Variants in SNX29 observed in about 807,000 individuals in gnomAD.
SNX29 encodes sorting nexin 29.
Under a neutral mutation model 102.1 loss-of-function variants are expected in SNX29, and 78 were observed. That is an observed-to-expected ratio of 0.76 (90% confidence interval 0.64 to 0.92). SNX29 has a LOEUF of 0.92. Ranked by LOEUF, SNX29 falls within the 40% of genes least tolerant of loss-of-function variation. SNX29 has a pLI of 0.00. For synonymous variants in SNX29, 580 were observed against 414.5 expected (o/e 1.40, Z -4.85); for missense variants, 1,280 against 1,061.7 (o/e 1.21, Z -2.86).
At chr16:12,319,586 A>G (rs1308263558) in intron 15 of SNX29, among the ~76,000 whole-genome samples, 1 of 152,172 alleles carries the variant, frequency 6.6e-6, no homozygotes, top group Non-Finnish European at 1.5e-5. Flanking sequence ...GGTGAGCCAG[A>G]CTGTTGATCT....
At chr16:11,986,215 T>A (rs895117721) in intron 1 of SNX29, among the ~76,000 whole-genome samples, 3 of 151,890 alleles carry the variant, frequency 2.0e-5, no homozygotes, top group African/African-American at 7.3e-5. Flanking sequence ...GCCCTGACTT[T>A]TTGCTGTCCG....
chr16:12,129,673 G>T lies in SNX29; in HGVS notation c.1510G>T (p.Ala504Ser), dbSNP rs188630489. Residue 504 changes from alanine (A) to serine (S), a missense_variant, in exon 13 of 21, where the codon GCG (alanine) becomes TCG (serine). By Grantham distance (99) the Ala-to-Ser change is moderately conservative. Coordinates refer to ENST00000566228, the MANE Select transcript of SNX29 (RefSeq NM_032167.5). ...LLDGEMEHSA[A>S]LRQEVDTLKR... ...CGACGGTGAGATGGAGCACTCAGCC[G>T]CGCTCCGGCAAGAGGTGGACACCTT... The T allele has an allele frequency of 1.2e-6, 2 of 1,611,108 alleles. No homozygotes were observed. The highest frequency in any genetic ancestry group is 2.2e-5 in the East Asian group (1 of 44,852).
In SNX29 at chr16:12,257,501, ATC is replaced by A. The variant is rs111505982; in HGVS notation, c.1679-20414_1679-20413del. Among the ~76,000 whole-genome samples, 32 of 149,890 alleles carry A rather than the reference ATC, an allele frequency of 2.1e-4. 1 individual carries two copies. The highest frequency in any genetic ancestry group is 4.4e-4 in the African/African-American group (18 of 40,900). ...GGGGGCCATTCTGCCTACCACTAGCATCTCTCTCTCTCTCTCTCTTTAAGAGA... is the reference window on the plus strand; with the variant it reads ...GGGGGCCATTCTGCCTACCACTAGCATCTCTCTCTCTCTCTCTTTAAGAGA... On this transcript the variant is annotated intron_variant, in intron 14 of 20. Coordinates refer to ENST00000566228, the MANE Select transcript of SNX29 (RefSeq NM_032167.5).
chr16:12,541,035 C>G (rs575696063), intron 20 of SNX29, among the ~76,000 whole-genome samples: 59 of 152,300 alleles, frequency 3.9e-4, no homozygotes, highest in Non-Finnish European at 5.0e-4. Flanking sequence ...CTGGTCATCT[C>G]TGTAGTCTGG....
chr16:12,267,651 A>G (rs1230691547), intron 14 of SNX29, among the ~76,000 whole-genome samples: 2 of 152,212 alleles, frequency 1.3e-5, no homozygotes, highest in Non-Finnish European at 2.9e-5. Flanking sequence ...CTGTCCGGAA[A>G]GAGCAGCGCC....
At chr16:12,502,592 G>C (rs1162558082) in intron 19 of SNX29, among the ~76,000 whole-genome samples, 1 of 152,132 alleles carries the variant, frequency 6.6e-6, no homozygotes, top group Admixed American at 6.5e-5. Flanking sequence ...GGTTCAGAGT[G>C]GCCTGCTCTA....
intron 9 of SNX29, among the ~76,000 whole-genome samples, chr16:12,067,632 C>T (rs548288314): frequency 1.3e-5 from 2 of 152,312 alleles, no homozygotes; most frequent in South Asian, 2.1e-4. Context: ...GGATTACAGG[C>T]GTGCACTACC....
chr16:12,135,776 G>A, intron 13 of SNX29: 1 of 428,752 alleles, frequency 2.3e-6, no homozygotes, highest in Non-Finnish European at 4.2e-6. Flanking sequence ...ACTCATAAGA[G>A]TCCTGACTGA....
At chr16:12,501,748 AAAAG>A (rs1407983433) in intron 19 of SNX29, among the ~76,000 whole-genome samples, 21 of 150,442 alleles carry the variant, frequency 1.4e-4, no homozygotes, top group Non-Finnish European at 2.5e-4. Context: ...AAAAAAAAAA[AAAAG>A]GCAGTGGTAA....
chr16:12,331,860 G>A (rs909327340), intron 15 of SNX29, among the ~76,000 whole-genome samples: 1 of 152,030 alleles, frequency 6.6e-6, no homozygotes, highest in Admixed American at 6.5e-5. Flanking sequence ...CCAGAATATT[G>A]TTTTAAGAAT....
Position 12,098,550 on chromosome 16 carries a change from T to TGCGCAGACGATTCAGTTTCATGC in SNX29, c.1402+19640_1402+19662dup, listed in dbSNP as rs2052867597. Among the ~76,000 whole-genome samples, 2 of 152,226 alleles carry TGCGCAGACGATTCAGTTTCATGC rather than the reference T, an allele frequency of 1.3e-5. No homozygotes were observed. Among genetic ancestry groups the TGCGCAGACGATTCAGTTTCATGC allele is most frequent in the South Asian group, 2.1e-4 (1 of 4,832 alleles). ...GTCTGTACACACCGTCGGTTTCATGTGCGCAGACGATTCAGTTTCATGCGC... is the reference window on the plus strand; with the variant it reads ...GTCTGTACACACCGTCGGTTTCATGTGCGCAGACGATTCAGTTTCATGCGCGCAGACGATTCAGTTTCATGCGC... On this transcript the variant is annotated intron_variant, in intron 11 of 20. Coordinates refer to ENST00000566228, the MANE Select transcript of SNX29 (RefSeq NM_032167.5). The surrounding 1 kb of genome is among the most constrained non-coding windows in gnomAD (Gnocchi z 6.0).
chr16:12,239,699 G>A (rs960362369), intron 14 of SNX29, among the ~76,000 whole-genome samples: 1 of 148,916 alleles, frequency 6.7e-6, no homozygotes, highest in Non-Finnish European at 1.5e-5. Flanking sequence ...TGCACAATGT[G>A]GTCCCAGCTA....
chr16:12,215,618 G>T (rs1463240848), intron 14 of SNX29, among the ~76,000 whole-genome samples: 2 of 152,186 alleles, frequency 1.3e-5, no homozygotes, highest in Non-Finnish European at 2.9e-5. Context: ...AGGCAGGCAG[G>T]TGGACCTTGA....
intron 13 of SNX29, among the ~76,000 whole-genome samples, chr16:12,170,350 C>A (rs1477185500): frequency 6.6e-6 from 1 of 151,806 alleles, no homozygotes; most frequent in African/African-American, 2.4e-5. Flanking sequence ...ACTGGGGAGG[C>A]CGTGTAGCGT....
intron 20 of SNX29, chr16:12,546,222 C>G (rs768367368): frequency 6.6e-6 from 1 of 152,212 alleles, no homozygotes; most frequent in African/African-American, 2.4e-5. Flanking sequence ...GTACTCATTG[C>G]TGTAGAGGTA....
chr16:12,031,230 G>A (rs370923828), intron 4 of SNX29, among the ~76,000 whole-genome samples: 5 of 151,894 alleles, frequency 3.3e-5, no homozygotes, highest in African/African-American at 7.3e-5. Flanking sequence ...GTACCACCAC[G>A]CTGCCTAATT....
chr16:12,455,167 C>T (rs188340124), intron 18 of SNX29, among the ~76,000 whole-genome samples: 11 of 152,282 alleles, frequency 7.2e-5, no homozygotes, highest in South Asian at 6.2e-4. Context: ...TCCTTCTAGA[C>T]GACCTGAGTC....
chr16:12,487,341 A>G (rs948038737), intron 19 of SNX29, among the ~76,000 whole-genome samples: 1 of 152,208 alleles, frequency 6.6e-6, no homozygotes, highest in Admixed American at 6.5e-5. Context: ...CAGTGTTTCC[A>G]TGTACACTAA....
intron 9 of SNX29, among the ~76,000 whole-genome samples, chr16:12,065,512 T>G (rs1234993891): frequency 2.0e-5 from 3 of 152,196 alleles, no homozygotes; most frequent in Non-Finnish European, 4.4e-5. Flanking sequence ...CCTCAAACCC[T>G]TTGTTTCCCC....
Sources: gnomAD v4.1 joint callset for allele counts (sites outside exome capture counted in the v4.1 genomes callset) on GRCh38, gnomAD v4.1.1 for gene constraint, Gnocchi (gnomAD v3.1) non-coding constraint, MANE v1.5 for transcripts, NCBI Gene and HGNC (gene_info 2026-07-23, HGNC 2026-07-21) for gene names.